Variants in EYS observed in about 807,000 individuals in gnomAD.
The protein encoded by EYS is protein eyes shut homolog.
In EYS, 250 loss-of-function variants were observed where a neutral mutation model predicts 282.1. The ratio of observed to expected loss-of-function variants is 0.89; its 90% CI spans 0.80 to 0.98. The LOEUF (loss-of-function observed/expected upper bound fraction) is 0.98. EYS is among the 50% of genes least tolerant of loss of function. The pLI, the probability that EYS is intolerant of heterozygous loss-of-function variation, is 0.00. For synonymous variants in EYS, 1,355 were observed against 1,282.9 expected (o/e 1.06, Z -1.20); for missense variants, 4,016 against 3,709.0 (o/e 1.08, Z -2.15).
intron 2 of EYS, among the ~76,000 whole-genome samples, chr6:65,559,828 C>A (rs1052232608): frequency 1.3e-5 from 2 of 151,692 alleles, no homozygotes; most frequent in Non-Finnish European, 2.9e-5. Flanking sequence ...TACTTTATAG[C>A]TAATTTTTGA....
intron 12 of EYS, among the ~76,000 whole-genome samples, chr6:65,272,842 A>G (rs978295160): frequency 6.6e-6 from 1 of 152,154 alleles, no homozygotes. Context: ...GCATAAATAT[A>G]TTGGCATGAG....
intron 10 of EYS, among the ~76,000 whole-genome samples, chr6:65,342,162 T>C (rs1770221645): frequency 6.6e-6 from 1 of 151,134 alleles, no homozygotes; most frequent in African/African-American, 2.4e-5. Flanking sequence ...ATTTATTTAT[T>C]CTAAAGAGGC....
chr6:64,419,465 C>T (rs929539339), intron 28 of EYS, among the ~76,000 whole-genome samples: 1 of 152,158 alleles, frequency 6.6e-6, no homozygotes, highest in Non-Finnish European at 1.5e-5. Flanking sequence ...TAGCTCATTC[C>T]AGCATTAACC....
chr6:63,891,436 G>T (rs541048946), intron 35 of EYS, among the ~76,000 whole-genome samples: 1 of 151,034 alleles, frequency 6.6e-6, no homozygotes, highest in Non-Finnish European at 1.5e-5. Flanking sequence ...TTCAACATAC[G>T]CAAATCAATA....
chr6:64,810,645 A>C (rs1764564992), intron 22 of EYS, among the ~76,000 whole-genome samples: 1 of 152,092 alleles, frequency 6.6e-6, no homozygotes, highest in African/African-American at 2.4e-5. Flanking sequence ...ATTCTAAAAT[A>C]ATTATAAGAG....
intron 30 of EYS, among the ~76,000 whole-genome samples, chr6:64,278,514 C>T (rs1768192618): frequency 1.3e-5 from 2 of 151,976 alleles, no homozygotes; most frequent in South Asian, 4.2e-4. Flanking sequence ...TTCTTTGGGT[C>T]CAATCCAAGG....
chr6:64,475,569 A>AAAAAG (rs1776238262), intron 26 of EYS, among the ~76,000 whole-genome samples: 4 of 70,898 alleles, frequency 5.6e-5, no homozygotes, highest in African/African-American at 1.3e-4. Flanking sequence ...AAAAAAAAAA[A>AAAAAG]AAAAGAAAAG....
chr6:64,066,303 A>C (rs1416500811), intron 33 of EYS, 35 bp downstream of exon 33: 3 of 1,520,704 alleles, frequency 2.0e-6, no homozygotes, highest in Non-Finnish European at 2.6e-6. Flanking sequence ...ACAAAATTTC[A>C]GCACGAAAGA....
chr6:65,626,159 T>C (rs1169418035), intron 2 of EYS, among the ~76,000 whole-genome samples: 1 of 152,156 alleles, frequency 6.6e-6, no homozygotes, highest in Non-Finnish European at 1.5e-5. Flanking sequence ...TAGACGATGA[T>C]ACAAAGCACT....
Position 63,791,989 on chromosome 6 carries a change from C to A in EYS, c.7412-2765G>T, listed in dbSNP as rs548110129. 2.0e-5 allele frequency among the ~76,000 whole-genome samples: 3 copies of A among 151,964 alleles called. No homozygotes were observed. In the East Asian group the frequency reaches 5.8e-4, roughly 30 times the overall value. ...GGAAGGAAAATTTGAAAGGACAGAT[C>A]AATTTGGGTGAAGAGCTGAGGAAGA... On this transcript the variant is annotated intron_variant, in intron 37 of 42. Coordinates refer to ENST00000503581, the MANE Select transcript of EYS (RefSeq NM_001142800.2).
chr6:64,758,824 C>G (rs918942698), intron 22 of EYS, among the ~76,000 whole-genome samples: 4 of 152,130 alleles, frequency 2.6e-5, no homozygotes, highest in Non-Finnish European at 4.4e-5. Flanking sequence ...AAAGATAAAA[C>G]TCTATCACCA....
At chr6:64,054,864 A>G (rs1182660428) in intron 33 of EYS, among the ~76,000 whole-genome samples, 1 of 152,218 alleles carries the variant, frequency 6.6e-6, no homozygotes, top group African/African-American at 2.4e-5. Flanking sequence ...ATAAATATGT[A>G]TTACATAGCT....
intron 26 of EYS, among the ~76,000 whole-genome samples, chr6:64,539,730 A>C (rs1415379316): frequency 6.6e-6 from 1 of 152,154 alleles, no homozygotes. Flanking sequence ...CTGCCATTTG[A>C]TTTGAATTGG....
intron 29 of EYS, among the ~76,000 whole-genome samples, chr6:64,334,024 G>C (rs570148097): frequency 1.3e-5 from 2 of 152,292 alleles, no homozygotes; most frequent in South Asian, 4.1e-4. Context: ...GGAAAATACT[G>C]TATCGCCTGA....
At chr6:65,147,206 G>A (rs1167543627) in intron 12 of EYS, among the ~76,000 whole-genome samples, 2 of 151,850 alleles carry the variant, frequency 1.3e-5, no homozygotes, top group Admixed American at 1.3e-4. Context: ...TTACTCTGTA[G>A]CCAAGCACAT....
chr6:65,428,082 T>C (rs1364268321), intron 5 of EYS, among the ~76,000 whole-genome samples: 1 of 152,082 alleles, frequency 6.6e-6, no homozygotes, highest in African/African-American at 2.4e-5. Flanking sequence ...TGGAATGATA[T>C]CAACTACTGC....
intron 31 of EYS, among the ~76,000 whole-genome samples, chr6:64,222,461 C>T (rs984826640): frequency 1.3e-5 from 2 of 151,930 alleles, no homozygotes; most frequent in Admixed American, 6.6e-5. Context: ...TCACATTAGC[C>T]CTTGTTTTTA....
chr6:65,443,201 A>G (rs1582300646), intron 5 of EYS, among the ~76,000 whole-genome samples: 1 of 151,914 alleles, frequency 6.6e-6, no homozygotes, highest in Non-Finnish European at 1.5e-5. Context: ...ATGTGCGCAC[A>G]TATATGTATG....
chr6:65,560,954 C>A (rs1021568579), intron 2 of EYS, among the ~76,000 whole-genome samples: 1 of 151,684 alleles, frequency 6.6e-6, no homozygotes, highest in African/African-American at 2.4e-5. Flanking sequence ...TTTTAAAGAC[C>A]TATTGGTACT....
Sources: gnomAD v4.1 joint callset for allele counts (sites outside exome capture counted in the v4.1 genomes callset) on GRCh38, gnomAD v4.1.1 for gene constraint, MANE v1.5 for transcripts, NCBI Gene and HGNC (gene_info 2026-07-23, HGNC 2026-07-21) for gene names.